Variants in SGIP1 observed in about 807,000 individuals in gnomAD.
SGIP1 encodes SH3GL interacting endocytic adaptor 1.
Under a neutral mutation model 107.5 loss-of-function variants are expected in SGIP1, and 38 were observed. That is an observed-to-expected ratio of 0.35 (90% CI 0.27 to 0.46). The LOEUF is 0.46. Among genes scored for constraint, SGIP1 ranks in the 20% least tolerant of loss-of-function variants. The probability of loss-of-function intolerance (pLI) is 1.00; values close to 1 mark genes in which losing one functional copy is unlikely to be tolerated. For missense variants in SGIP1, 929 were observed against 1,019.5 expected (o/e 0.91, Z 1.21); for synonymous variants, 365 against 366.1 (o/e 1.00, Z 0.03).
intron 13 of SGIP1, among the ~76,000 whole-genome samples, chr1:66,679,116 T>C (rs1218401001): frequency 6.6e-6 from 1 of 152,202 alleles, no homozygotes; most frequent in Non-Finnish European, 1.5e-5. Flanking sequence ...ACCCAAGCAG[T>C]TAGTTTGCTT....
intron 2 of SGIP1, among the ~76,000 whole-genome samples, chr1:66,628,764 T>G (rs2073560824): frequency 6.6e-6 from 1 of 152,192 alleles, no homozygotes; most frequent in African/African-American, 2.4e-5. Context: ...ACTGAGTTAT[T>G]CCTCACAGCT....
intron 1 of SGIP1, among the ~76,000 whole-genome samples, chr1:66,553,373 G>A (rs1222919444): frequency 6.6e-6 from 1 of 151,560 alleles, no homozygotes; most frequent in Non-Finnish European, 1.5e-5. Flanking sequence ...TAAAAATAAA[G>A]TCATCAAAAA....
At chr1:66,660,169 AAGAAAGAAAGAAAG>A (rs1557503722) in intron 7 of SGIP1, 2 of 132,824 alleles carry the variant, frequency 1.5e-5, no homozygotes, top group East Asian at 6.8e-4. Flanking sequence ...GAAAGAAAGA[AAGAAAGAAAGAAAG>A]AAAGAAAGAA....
intron 18 of SGIP1, among the ~76,000 whole-genome samples, chr1:66,704,078 G>A (rs1165073236): frequency 6.6e-6 from 1 of 151,986 alleles, no homozygotes; most frequent in Non-Finnish European, 1.5e-5. Context: ...ACTTAGTATA[G>A]TGCATGCAAA....
At chr1:66,586,485 G>T (rs2062632266) in intron 1 of SGIP1, among the ~76,000 whole-genome samples, 1 of 151,940 alleles carries the variant, frequency 6.6e-6, no homozygotes, top group Non-Finnish European at 1.5e-5. Flanking sequence ...TCATTGCATA[G>T]AATTTCTAGT....
intron 18 of SGIP1, among the ~76,000 whole-genome samples, chr1:66,710,448 A>G (rs587125): frequency 0.16 from 25,072 of 152,028 alleles, 2,187 homozygotes; most frequent in East Asian, 0.28. Context: ...TACATAAACT[A>G]ATGAAACTCT....
At chr1:66,618,893 T>A (rs913136992) in intron 1 of SGIP1, among the ~76,000 whole-genome samples, 1 of 152,298 alleles carries the variant, frequency 6.6e-6, no homozygotes, top group African/African-American at 2.4e-5. Flanking sequence ...TGGAAGGCAG[T>A]CAAATTGGGT....
intron 1 of SGIP1, among the ~76,000 whole-genome samples, chr1:66,573,713 CAT>C (rs1229391677): frequency 2.0e-5 from 3 of 152,126 alleles, no homozygotes; most frequent in Non-Finnish European, 4.4e-5. Context: ...AATGAGAACA[CAT>C]AGACACGCAG....
chr1:66,652,485 G>A (rs542476915), intron 7 of SGIP1, among the ~76,000 whole-genome samples: 46 of 152,108 alleles, frequency 3.0e-4, no homozygotes, highest in Non-Finnish European at 5.6e-4. Flanking sequence ...ATCTGACATT[G>A]AGTCATGAAG....
At position 66,637,845 on chromosome 1, in the gene SGIP1, A is replaced by G. The variant is rs903056891; in HGVS notation, c.171+1830A>G. Among the ~76,000 whole-genome samples, 21 of 150,374 alleles carry G rather than the reference A, an allele frequency of 1.4e-4. No individual in the cohort carries two copies. In the South Asian group the frequency reaches 4.0e-3, roughly 29 times the overall value. On this transcript the variant is annotated intron_variant, in intron 4 of 24. Coordinates refer to ENST00000371037, the MANE Select transcript of SGIP1 (RefSeq NM_032291.4). ...TATGTGTGTACATATACATACACAC[A>G]TATATACATACACACATACATACAC...
At chr1:66,657,501 T>C (rs757353846) in intron 7 of SGIP1, among the ~76,000 whole-genome samples, 6 of 152,216 alleles carry the variant, frequency 3.9e-5, no homozygotes, top group Non-Finnish European at 5.9e-5. Context: ...TAACCCCTCA[T>C]GCAAAAATGT....
intron 1 of SGIP1, among the ~76,000 whole-genome samples, chr1:66,565,660 G>T (rs969887220): frequency 6.6e-6 from 1 of 151,946 alleles, no homozygotes; most frequent in Non-Finnish European, 1.5e-5. Context: ...TTTGGGCTTA[G>T]ATTTCCAGAA....
chr1:66,594,852 T>G (rs531525353), intron 1 of SGIP1, among the ~76,000 whole-genome samples: 3 of 152,244 alleles, frequency 2.0e-5, no homozygotes, highest in Non-Finnish European at 2.9e-5. Flanking sequence ...AATGAGGTAA[T>G]GTATAGAAAA....
At chr1:66,655,943 T>G (rs1460778404) in intron 7 of SGIP1, among the ~76,000 whole-genome samples, 1 of 152,110 alleles carries the variant, frequency 6.6e-6, no homozygotes, top group Non-Finnish European at 1.5e-5. Context: ...CTTCTAAATT[T>G]TTTAAAATGT....
intron 17 of SGIP1, among the ~76,000 whole-genome samples, chr1:66,694,036 T>C (rs141110560): frequency 1.3e-5 from 2 of 152,332 alleles, no homozygotes; most frequent in Non-Finnish European, 2.9e-5. Flanking sequence ...CTGTCACTGC[T>C]CTGTCAGGAG....
At chr1:66,681,565 C>T (rs986702352) in intron 14 of SGIP1, among the ~76,000 whole-genome samples, 4 of 152,166 alleles carry the variant, frequency 2.6e-5, no homozygotes, top group African/African-American at 9.7e-5. Flanking sequence ...ACTTGGTGCA[C>T]CTGTGAGCAG....
intron 20 of SGIP1, 91 bp downstream of exon 20, chr1:66,729,510 A>T: frequency 2.7e-6 from 4 of 1,461,064 alleles, no homozygotes; most frequent in Non-Finnish European, 3.8e-6. Context: ...ACAGGGTCGC[A>T]CTATAGTGAA....
chr1:66,684,645 C>T (rs1041682587), intron 15 of SGIP1, among the ~76,000 whole-genome samples: 1 of 152,218 alleles, frequency 6.6e-6, no homozygotes, highest in Non-Finnish European at 1.5e-5. Context: ...TCAAAGGAAA[C>T]ATCTTTATCA....
intron 7 of SGIP1, among the ~76,000 whole-genome samples, chr1:66,652,174 T>C (rs1414655925): frequency 6.8e-6 from 1 of 148,102 alleles, no homozygotes; most frequent in Non-Finnish European, 1.5e-5. Context: ...GGCTGTAAAA[T>C]GGGAAAAAAA....
Sources: allele counts gnomAD v4.1 joint callset (sites outside exome capture counted in the v4.1 genomes callset), GRCh38; gene constraint gnomAD v4.1.1; transcripts MANE v1.5; gene names NCBI Gene and HGNC (gene_info 2026-07-23, HGNC 2026-07-21).